Variants in SMARCA2 observed in about 807,000 individuals in gnomAD.
SMARCA2 encodes SWI/SNF-related matrix-associated actin-dependent regulator of chromatin subfamily A member 2.
In SMARCA2, 61 loss-of-function variants were observed where a neutral mutation model predicts 199.8. That is an observed-to-expected ratio of 0.31 (90% CI 0.25 to 0.38). The LOEUF (loss-of-function observed/expected upper bound fraction) is 0.38. Ranked by LOEUF, SMARCA2 falls within the 10% of genes least tolerant of loss-of-function variation. The pLI, the probability that SMARCA2 is intolerant of heterozygous loss-of-function variation, is 1.00. For synonymous variants in SMARCA2, 935 were observed against 732.0 expected (o/e 1.28, Z -4.48); for missense variants, 1,344 against 2,012.2 (o/e 0.67, Z 6.35).
At chr9:2,051,516 T>C (rs1033756224) in intron 5 of SMARCA2, among the ~76,000 whole-genome samples, 1 of 152,222 alleles carries the variant, frequency 6.6e-6, no homozygotes, top group Non-Finnish European at 1.5e-5. Flanking sequence ...TTCAATGTGA[T>C]GTAATCTCTA....
In SMARCA2 at chr9:2,039,454, G is replaced by A; in HGVS notation, c.356-12G>A. The stretch of plus-strand genomic sequence containing the variant: ...GGGGCAGCCTGTGATTTCCTTTTGT[G>A]TTTTATTTTAGGTTATATGTCACCA... On this transcript the variant is annotated splice_polypyrimidine_tract_variant and intron_variant, in intron 3 of 33. Coordinates refer to ENST00000349721, the MANE Select transcript of SMARCA2 (RefSeq NM_003070.5). This position sits in a 1 kb window ranked among gnomAD's most constrained non-coding sequence, Gnocchi z 4.8. 1 of 1,603,888 alleles carries A rather than the reference G, an allele frequency of 6.2e-7. No individual in the cohort carries two copies. Among genetic ancestry groups the A allele is most frequent in the Non-Finnish European group, 8.5e-7 (1 of 1,173,708 alleles).
In SMARCA2 at chr9:2,017,130, C is replaced by T; in HGVS notation, c.-37+1726C>T. 6.6e-6 allele frequency: 1 copy of T among 152,530 alleles called. No individual in the cohort carries two copies. The highest frequency in any genetic ancestry group is 1.5e-5 in the Non-Finnish European group (1 of 68,258). 9.4% of individuals were successfully genotyped at this position (152,530 alleles called of 1,614,324 possible). On this transcript the variant is annotated intron_variant, in intron 1 of 33. Coordinates refer to ENST00000349721, the MANE Select transcript of SMARCA2 (RefSeq NM_003070.5). This position sits in a 1 kb window ranked among gnomAD's most constrained non-coding sequence, Gnocchi z 8.8. ...AAATCGCCTCCTGCCAGTGTCTGAT[C>T]GCTCGCCTCCGCCTCCGCCTCTGCC... is the stretch of plus-strand genomic sequence containing the variant.
chr9:2,135,281 A>T (rs1252258253), intron 27 of SMARCA2, among the ~76,000 whole-genome samples: 2 of 152,120 alleles, frequency 1.3e-5, no homozygotes, highest in African/African-American at 4.8e-5. Flanking sequence ...CCCTCAATGG[A>T]TTGGATGATT....
At chr9:2,031,894 C>T (rs1819086376) in intron 2 of SMARCA2, among the ~76,000 whole-genome samples, 1 of 152,136 alleles carries the variant, frequency 6.6e-6, no homozygotes, top group Non-Finnish European at 1.5e-5. Flanking sequence ...TGCTTTTCAA[C>T]ATTACTGGAA....
At chr9:2,187,996 T>C (rs1827601653) in intron 32 of SMARCA2, among the ~76,000 whole-genome samples, 1 of 152,168 alleles carries the variant, frequency 6.6e-6, no homozygotes, top group South Asian at 2.1e-4. Flanking sequence ...AAATATTACA[T>C]GTATGTAGAG....
intron 24 of SMARCA2, among the ~76,000 whole-genome samples, chr9:2,111,632 A>T (rs1316910997): frequency 6.6e-6 from 1 of 152,088 alleles, no homozygotes; most frequent in Non-Finnish European, 1.5e-5. Flanking sequence ...GGTTGCGAAG[A>T]CTGAGTGGCA....
chr9:2,187,694 ATAAT>A (rs1308392375), intron 32 of SMARCA2, among the ~76,000 whole-genome samples: 1 of 152,054 alleles, frequency 6.6e-6, no homozygotes, highest in Non-Finnish European at 1.5e-5. Context: ...AATTTTAAAT[ATAAT>A]TAATAAATAT....
chr9:2,071,469 G>C (rs1011636228), intron 10 of SMARCA2, among the ~76,000 whole-genome samples: 8 of 152,246 alleles, frequency 5.3e-5, no homozygotes, highest in Non-Finnish European at 1.0e-4. Flanking sequence ...GCCTCCCATT[G>C]GTCTATAATT....
At chr9:2,167,796 G>A (rs1826007925) in intron 28 of SMARCA2, among the ~76,000 whole-genome samples, 1 of 152,042 alleles carries the variant, frequency 6.6e-6, no homozygotes, top group African/African-American at 2.4e-5. Flanking sequence ...CTGTACTCTT[G>A]AATATAACTA....
Position 2,016,578 on chromosome 9 carries a change from C to T in SMARCA2, c.-37+1174C>T, listed in dbSNP as rs553228773. ...CCCGGGAGGCCATGATCCGGATAAT[C>T]CTGTCTGCCTGACTGTCACAAACAG... is the stretch of plus-strand genomic sequence containing the variant. On this transcript the variant is annotated intron_variant, in intron 1 of 33. Coordinates refer to ENST00000349721, the MANE Select transcript of SMARCA2 (RefSeq NM_003070.5). This position sits in a 1 kb window ranked among gnomAD's most constrained non-coding sequence, Gnocchi z 5.6. Among the ~76,000 whole-genome samples, 43 of 151,974 alleles carry T rather than the reference C, an allele frequency of 2.8e-4. No homozygotes were observed. Among genetic ancestry groups the T allele is most frequent in the Non-Finnish European group, 5.2e-4 (35 of 67,960 alleles).
At chr9:2,144,028 A>G (rs907570948) in intron 27 of SMARCA2, among the ~76,000 whole-genome samples, 1 of 152,120 alleles carries the variant, frequency 6.6e-6, no homozygotes, top group African/African-American at 2.4e-5. Flanking sequence ...ACCTAGTGCA[A>G]TACAGAATCG....
At chr9:2,140,867 G>A (rs930663326) in intron 27 of SMARCA2, among the ~76,000 whole-genome samples, 1 of 152,136 alleles carries the variant, frequency 6.6e-6, no homozygotes, top group Non-Finnish European at 1.5e-5. Flanking sequence ...TTTCCATTTG[G>A]TTGAGGACAC....
intron 23 of SMARCA2, among the ~76,000 whole-genome samples, chr9:2,106,934 C>T (rs1423665456): frequency 6.6e-6 from 1 of 152,108 alleles, no homozygotes; most frequent in African/African-American, 2.4e-5. Context: ...CACAGTTGCC[C>T]TATTAATTGT....
At chr9:2,034,473 T>C (rs1819229862) in intron 3 of SMARCA2, among the ~76,000 whole-genome samples, 1 of 152,234 alleles carries the variant, frequency 6.6e-6, no homozygotes, top group African/African-American at 2.4e-5. Context: ...CAATGTAGCC[T>C]GATTTCAGAG....
At chr9:2,182,086 C>G (rs567722700) in intron 30 of SMARCA2, 55 bp from the exon 31 acceptor site, 6 of 1,108,540 alleles carry the variant, frequency 5.4e-6, no homozygotes, top group Admixed American at 1.7e-5. Flanking sequence ...AAGTAATGAT[C>G]GCTGAATTTT....
chr9:2,175,829 GT>G (rs1826542897), intron 29 of SMARCA2, among the ~76,000 whole-genome samples: 2 of 151,986 alleles, frequency 1.3e-5, no homozygotes, highest in African/African-American at 4.8e-5. Flanking sequence ...TGAGGTTGAA[GT>G]TGTACTGCAC....
At chr9:2,106,310 A>T (rs1183139082) in intron 23 of SMARCA2, among the ~76,000 whole-genome samples, 1 of 152,228 alleles carries the variant, frequency 6.6e-6, no homozygotes, top group Non-Finnish European at 1.5e-5. Context: ...CAACATTTTA[A>T]GAATGATTTT....
intron 27 of SMARCA2, chr9:2,157,651 G>A (rs914682677): frequency 5.3e-6 from 2 of 374,888 alleles, no homozygotes; most frequent in South Asian, 1.5e-4. Context: ...TTGTTCCACT[G>A]TAAGGACTGT....
rs150842038 is a variant in SMARCA2 at position 2,052,577 on chromosome 9, TATAGCAA to T, written c.1047-2016_1047-2010del. 3.3e-4 allele frequency among the ~76,000 whole-genome samples: 50 copies of T among 152,376 alleles called. No homozygotes were observed. The East Asian group carries it at 6.9e-3, about 21-fold the overall frequency. The stretch of plus-strand genomic sequence containing the variant: ...AATAAATTAGAACGAATAACGTGCG[TATAGCAA>T]ATAAAACAAGAATCAGTCTTAGATA... On this transcript the variant is annotated intron_variant, in intron 5 of 33. Coordinates refer to ENST00000349721, the MANE Select transcript of SMARCA2 (RefSeq NM_003070.5).
Sources: allele counts gnomAD v4.1 joint callset (sites outside exome capture counted in the v4.1 genomes callset), GRCh38; gene constraint gnomAD v4.1.1; non-coding constraint Gnocchi (gnomAD v3.1); transcripts MANE v1.5; gene names NCBI Gene and HGNC (gene_info 2026-07-23, HGNC 2026-07-21).